The following BSND variants were observed in gnomAD, a reference collection of about 807,000 sequenced individuals.
The protein encoded by BSND is barttin.
BSND carries 13 observed loss-of-function variants against 18.8 expected under a neutral mutation model. That is an observed-to-expected ratio of 0.69 (90% CI 0.45 to 1.10). BSND has a LOEUF of 1.10. Among genes scored for constraint, BSND ranks in the 50% least tolerant of loss-of-function variants. The probability of loss-of-function intolerance (pLI) is 0.00; values close to 1 mark genes in which losing one functional copy is unlikely to be tolerated. For missense variants in BSND, 379 were observed against 416.7 expected (o/e 0.91, Z 0.79); for synonymous variants, 170 against 161.8 (o/e 1.05, Z -0.39).
chr1:55,008,778 A>C lies in BSND; in HGVS notation c.*150A>C, dbSNP rs1644405532. ...GAGAATGGTAAAGAAATACACAGGG[A>C]GGGGATGATGACTATTAGTGGACTC... On this transcript the variant is annotated 3_prime_UTR_variant, in exon 4 of 4. Coordinates refer to ENST00000651561, the MANE Select transcript of BSND (RefSeq NM_057176.3). The C allele has an allele frequency of 8.4e-7, 1 of 1,189,110 alleles. No individual in the cohort carries two copies. The highest frequency in any genetic ancestry group is 1.3e-5 in the South Asian group (1 of 77,322). 73.7% of individuals were successfully genotyped at this position (1,189,110 alleles called of 1,614,324 possible).
At position 55,010,634 on chromosome 1, in the gene BSND, T is replaced by A. The variant is rs925583406; in HGVS notation, c.*2006T>A. On this transcript the variant is annotated 3_prime_UTR_variant, in exon 4 of 4. Transcript: ENST00000651561. ...TGCCCCTGTGTGCTGGGTTACAAGGTCATGGCCCTGGGAACACACTTCCTT... is the reference window on the plus strand; with the variant it reads ...TGCCCCTGTGTGCTGGGTTACAAGGACATGGCCCTGGGAACACACTTCCTT... 1 of 152,216 alleles carries A rather than the reference T, an allele frequency of 6.6e-6. No individual in the cohort carries two copies. The highest frequency in any genetic ancestry group is 1.5e-5 in the Non-Finnish European group (1 of 68,112). 9.4% of individuals were successfully genotyped at this position (152,216 alleles called of 1,614,324 possible). A position where few individuals can be genotyped will look rare whatever the true frequency, so the allele number is the denominator to read the frequency against.
chr1:54,999,739 T>G (rs1390680565), intron 1 of BSND, among the ~76,000 whole-genome samples: 1 of 152,210 alleles, frequency 6.6e-6, no homozygotes. Context: ...AGCCTTTTGG[T>G]GCTTTCTGTA....
At chr1:55,003,065 G>GGTGAGA in intron 1 of BSND, among the ~76,000 whole-genome samples, 1 of 4 alleles carries the variant, frequency 0.25, no homozygotes, top group Non-Finnish European at 0.5. Flanking sequence ...TGACGGTGAT[G>GGTGAGA]ATGATGGTGA....
intron 1 of BSND, among the ~76,000 whole-genome samples, chr1:55,003,169 G>T (rs540620008): frequency 6.3e-4 from 96 of 151,330 alleles, no homozygotes; most frequent in South Asian, 6.1e-3. Flanking sequence ...GAAGTACAAA[G>T]CATCCTTAAC....
At position 55,012,168 on chromosome 1, in the gene BSND, G is replaced by A. The variant is rs150683341; in HGVS notation, c.*3540G>A. ...GGAACCTGGGCTCTGCCGACCGCTC[G>A]CCATGACCTTGGGTACATCACAGCC... On this transcript the variant is annotated 3_prime_UTR_variant, in exon 4 of 4. Coordinates refer to ENST00000651561, the MANE Select transcript of BSND (RefSeq NM_057176.3). Among the ~76,000 whole-genome samples, 926 of 152,298 alleles carry A rather than the reference G, an allele frequency of 6.1e-3. 5 individuals are homozygous for A. Among genetic ancestry groups the A allele is most frequent in the Non-Finnish European group, 9.5e-3 (649 of 68,012 alleles).
rs527747165 is a variant in BSND at position 55,012,299 on chromosome 1, G to A, written c.*3671G>A. 2.2e-4 allele frequency among the ~76,000 whole-genome samples: 34 copies of A among 152,162 alleles called. No homozygotes were observed. Among genetic ancestry groups the A allele is most frequent in the Non-Finnish European group, 3.2e-4 (22 of 68,024 alleles). On this transcript the variant is annotated 3_prime_UTR_variant, in exon 4 of 4. Transcript: ENST00000651561. ...TGTGCCTGTCACCATGCAAGACACC[G>A]TCACCCCTATTACCCTATCTAGTCC...
At chr1:55,005,857 G>A (rs763563064) in intron 2 of BSND, among the ~76,000 whole-genome samples, 2 of 152,108 alleles carry the variant, frequency 1.3e-5, no homozygotes, top group Admixed American at 6.5e-5. Context: ...GATGGAAGCC[G>A]GGCCTGCACT....
intron 3 of BSND, 53 bp downstream of exon 3, chr1:55,007,325 A>T: frequency 3.5e-6 from 3 of 850,210 alleles, no homozygotes; most frequent in East Asian, 5.8e-5. Context: ...AGGGTTAAAA[A>T]GGAGAGGAGT....
In BSND at chr1:55,014,954, GGAA is replaced by G. The variant is rs1433576531; in HGVS notation, c.*6331_*6333del. Among the ~76,000 whole-genome samples the G allele has an allele frequency of 2.6e-5, 4 of 152,176 alleles. No individual in the cohort carries two copies. The highest frequency in any genetic ancestry group is 1.3e-4 in the Admixed American group (2 of 15,278). ...GGCAAAGCCTTGGGGGAAGGAAGGA[GGAA>G]GAAGGAGACTGTCCTGGCTGGAGTG... On this transcript the variant is annotated 3_prime_UTR_variant, in exon 4 of 4. Coordinates refer to ENST00000651561, the MANE Select transcript of BSND (RefSeq NM_057176.3).
chr1:55,008,772 A>G lies in BSND; in HGVS notation c.*144A>G. 8.1e-7 allele frequency: 1 copy of G among 1,232,374 alleles called. No individual in the cohort carries two copies. The highest frequency in any genetic ancestry group is 1.9e-5 in the Admixed American group (1 of 52,532). The allele number at this position is 1,232,374 out of a possible 1,614,324, so 76.3% of individuals were successfully genotyped here. On this transcript the variant is annotated 3_prime_UTR_variant, in exon 4 of 4. Transcript: ENST00000651561. ...CATTTTGAGAATGGTAAAGAAATAC[A>G]CAGGGAGGGGATGATGACTATTAGT...
chr1:55,004,809 GTGAA>G (rs1644381346), intron 1 of BSND, among the ~76,000 whole-genome samples: 1 of 152,212 alleles, frequency 6.6e-6, no homozygotes, highest in Non-Finnish European at 1.5e-5. Context: ...TGTTTGTAGA[GTGAA>G]TGAAGAACCA....
rs1644347623 is a variant in BSND, at chr1:54,999,133, C to T, written c.-54C>T. ...AGCCTGTCTCGGTGTTTAGGCTGAA[C>T]TACAGCCACCCCCTCTCCCGGGGGT... is the stretch of plus-strand genomic sequence containing the variant. On this transcript the variant is annotated 5_prime_UTR_variant, in exon 1 of 4. Transcript: ENST00000651561. 4 of 1,605,384 alleles carry T rather than the reference C, an allele frequency of 2.5e-6. No individual in the cohort carries two copies. Among genetic ancestry groups the T allele is most frequent in the Non-Finnish European group, 3.4e-6 (4 of 1,175,666 alleles).
chr1:55,009,465 G>C lies in BSND; in HGVS notation c.*837G>C, dbSNP rs1314908318. Reference sequence around the variant, plus strand: ...ACCTTGAGATCGCCTGTGCCCAGATGGGCCTTTGGCCTGGCCCAGAATCGG... The same window carrying C: ...ACCTTGAGATCGCCTGTGCCCAGATCGGCCTTTGGCCTGGCCCAGAATCGG... On this transcript the variant is annotated 3_prime_UTR_variant, in exon 4 of 4. Transcript: ENST00000651561. 1 of 152,282 alleles carries C rather than the reference G, an allele frequency of 6.6e-6. No individual in the cohort carries two copies. 9.4% of individuals were successfully genotyped at this position (152,282 alleles called of 1,614,324 possible).
chr1:55,015,125 C>G lies in BSND; in HGVS notation c.*6497C>G, dbSNP rs1644443277. Among the ~76,000 whole-genome samples the G allele has an allele frequency of 6.6e-6, 1 of 152,180 alleles. No individual in the cohort carries two copies. The highest frequency in any genetic ancestry group is 2.4e-5 in the African/African-American group (1 of 41,434). On this transcript the variant is annotated 3_prime_UTR_variant, in exon 4 of 4. Transcript: ENST00000651561. ...AGAGGAGTGACATGAAAGAAACATTCAGGTCATATACTAACAGATACAAAA... is the reference window on the plus strand; with the variant it reads ...AGAGGAGTGACATGAAAGAAACATTGAGGTCATATACTAACAGATACAAAA...
In BSND at chr1:55,015,541, G is replaced by A. The variant is rs963086427; in HGVS notation, c.*6913G>A. ...CCCGGAGAAGAGCAGACACGGTGTG[G>A]TGGGTAGGTGGATGAGACCAGGCTT... On this transcript the variant is annotated 3_prime_UTR_variant, in exon 4 of 4. Transcript: ENST00000651561. Among the ~76,000 whole-genome samples, 2 of 152,268 alleles carry A rather than the reference G, an allele frequency of 1.3e-5. No individual in the cohort carries two copies. The highest frequency in any genetic ancestry group is 2.9e-5 in the Non-Finnish European group (2 of 68,046).
rs1374382818 is a variant in BSND, at chr1:55,015,460, G to T, written c.*6832G>T. On this transcript the variant is annotated 3_prime_UTR_variant, in exon 4 of 4. Transcript: ENST00000651561. ...AATGAGGGCCCCAGTGACTCAGGAA[G>T]TCCCCAGGTCAGAAAATGGGCCCCA... Among the ~76,000 whole-genome samples the T allele has an allele frequency of 6.6e-6, 1 of 152,174 alleles. No homozygotes were observed. Among genetic ancestry groups the T allele is most frequent in the Non-Finnish European group, 1.5e-5 (1 of 68,022 alleles).
At chr1:55,004,196 A>G (rs929238394) in intron 1 of BSND, among the ~76,000 whole-genome samples, 2 of 152,270 alleles carry the variant, frequency 1.3e-5, no homozygotes, top group African/African-American at 4.8e-5. Context: ...GTATTTCATC[A>G]TATGGATAGA....
At chr1:55,005,911 C>T (rs567886217) in intron 2 of BSND, among the ~76,000 whole-genome samples, 5 of 152,262 alleles carry the variant, frequency 3.3e-5, no homozygotes, top group East Asian at 3.9e-4. Context: ...GTGATGGAGG[C>T]GGGGCCTGAA....
rs146313023 is a variant in BSND, at chr1:55,008,537, A to G, written c.872A>G (p.Glu291Gly). 2.0e-5 allele frequency: 33 copies of G among 1,614,214 alleles called. No homozygotes were observed. In the African/African-American group the frequency reaches 3.7e-4, roughly 18 times the overall value. ...SDTGGEEPEK[E>G]EEDLYYGLPD... is the part of the protein sequence containing the mutation. ...ACAGGTGGGGAGGAACCTGAGAAGG[A>G]AGAGGAAGACCTGTACTATGGGCTG... Residue 291 changes from glutamate to glycine, a missense_variant, in exon 4 of 4, where the codon GAA becomes GGA. Coordinates refer to ENST00000651561, the MANE Select transcript of BSND (RefSeq NM_057176.3).
Sources: gnomAD v4.1 joint callset for allele counts (sites outside exome capture counted in the v4.1 genomes callset) on GRCh38, gnomAD v4.1.1 for gene constraint, MANE v1.5 for transcripts, NCBI Gene and HGNC (gene_info 2026-07-23, HGNC 2026-07-21) for gene names.